GRM7: variants seen among roughly 807,000 people sequenced by gnomAD.
GRM7 encodes the protein metabotropic glutamate receptor 7.
Under a neutral mutation model 84.5 loss-of-function variants are expected in GRM7, and 35 were observed. That is an observed-to-expected ratio of 0.41 (90% CI 0.32 to 0.55). The LOEUF (loss-of-function observed/expected upper bound fraction) is 0.55, where lower values mean the gene tolerates loss of function less well. GRM7 is among the 20% of genes least tolerant of loss of function. GRM7 has a pLI of 0.19. For missense variants in GRM7, 1,003 were observed against 1,194.6 expected (o/e 0.84, Z 2.36); for synonymous variants, 487 against 455.1 (o/e 1.07, Z -0.89).
At chr3:7,441,643 G>T (rs906712921) in intron 5 of GRM7, among the ~76,000 whole-genome samples, 3 of 152,022 alleles carry the variant, frequency 2.0e-5, no homozygotes, top group South Asian at 2.1e-4. Context: ...AATATATCTT[G>T]GGTTAATTTT....
At chr3:7,064,501 TAC>T (rs376719688) in intron 1 of GRM7, among the ~76,000 whole-genome samples, 20 of 90,246 alleles carry the variant, frequency 2.2e-4, no homozygotes, top group Non-Finnish European at 3.1e-4. Flanking sequence ...CATATATATA[TAC>T]ACATATATAT....
chr3:7,438,288 A>T (rs1343982442), intron 5 of GRM7, among the ~76,000 whole-genome samples: 1 of 152,014 alleles, frequency 6.6e-6, no homozygotes, highest in Non-Finnish European at 1.5e-5. Context: ...GGTTGTGGAG[A>T]TGGAGAGAAG....
chr3:7,043,191 C>A (rs1335079284), intron 1 of GRM7, among the ~76,000 whole-genome samples: 1 of 152,136 alleles, frequency 6.6e-6, no homozygotes, highest in Non-Finnish European at 1.5e-5. Context: ...AGGCAGTTAC[C>A]CCACACTCAT....
At chr3:7,521,280 G>T (rs749623417) in intron 7 of GRM7, among the ~76,000 whole-genome samples, 3 of 152,142 alleles carry the variant, frequency 2.0e-5, no homozygotes, top group Admixed American at 1.3e-4. Context: ...AGGTAAAACC[G>T]CAGTTCTTGG....
At chr3:7,275,143 C>T (rs1026714836) in intron 2 of GRM7, among the ~76,000 whole-genome samples, 3 of 152,088 alleles carry the variant, frequency 2.0e-5, no homozygotes, top group African/African-American at 4.8e-5. Context: ...CATAAAAATT[C>T]TTAAAATTCC....
intron 2 of GRM7, among the ~76,000 whole-genome samples, chr3:7,207,383 T>C (rs559463084): frequency 6.6e-6 from 1 of 152,316 alleles, no homozygotes; most frequent in African/African-American, 2.4e-5. Context: ...GCCAAGTGTT[T>C]CTGTGAAATA....
chr3:6,991,006 C>G (rs992226240), intron 1 of GRM7, among the ~76,000 whole-genome samples: 12 of 152,042 alleles, frequency 7.9e-5, no homozygotes, highest in African/African-American at 2.7e-4. Flanking sequence ...GAGTTCCAGG[C>G]TGCCGTGAGA....
At chr3:7,118,100 A>G (rs1693097732) in intron 1 of GRM7, among the ~76,000 whole-genome samples, 2 of 152,178 alleles carry the variant, frequency 1.3e-5, no homozygotes, top group Admixed American at 1.3e-4. Flanking sequence ...AAAACCCAAA[A>G]GAAGGCTGGG....
intron 5 of GRM7, among the ~76,000 whole-genome samples, chr3:7,433,967 A>G (rs753651446): frequency 6.6e-6 from 1 of 152,132 alleles, no homozygotes; most frequent in East Asian, 1.9e-4. Flanking sequence ...ATTCATCAAC[A>G]TCATATACCT....
intron 4 of GRM7, among the ~76,000 whole-genome samples, chr3:7,366,848 T>C (rs919137174): frequency 3.9e-4 from 39 of 101,172 alleles, no homozygotes; most frequent in African/African-American, 1.4e-3. Context: ...CATGGGCCAT[T>C]GAAACTTCTA....
At chr3:7,430,601 A>T (rs148480490) in intron 5 of GRM7, among the ~76,000 whole-genome samples, 1 of 152,324 alleles carries the variant, frequency 6.6e-6, no homozygotes, top group African/African-American at 2.4e-5. Context: ...CTCTACTCCT[A>T]AGCATTTATC....
chr3:7,146,607 A>G lies in GRM7; in HGVS notation c.675A>G (p.Ala225=), dbSNP rs753495706. The G allele has an allele frequency of 6.8e-6, 11 of 1,613,946 alleles. No individual in the cohort carries two copies. The highest frequency in any genetic ancestry group is 1.6e-4 in the Middle Eastern group (1 of 6,082). Residue 225 remains alanine, a synonymous_variant, in exon 2 of 10, where the codon GCA becomes GCG. Transcript: ENST00000357716. ...GCTGGAATTATGTGTCTACCCTCGC[A>G]TCGGAAGGAAGTTATGGAGAGAAAG... ...ALGWNYVSTL[A]SEGSYGEKGV... is the part of the protein sequence containing the mutation.
At chr3:7,241,254 G>A (rs932562568) in intron 2 of GRM7, among the ~76,000 whole-genome samples, 9 of 152,118 alleles carry the variant, frequency 5.9e-5, no homozygotes, top group Non-Finnish European at 1.2e-4. Flanking sequence ...TTTCTATATG[G>A]AATGTGGATA....
chr3:7,382,342 T>A (rs1694624427), intron 4 of GRM7, among the ~76,000 whole-genome samples: 1 of 152,192 alleles, frequency 6.6e-6, no homozygotes, highest in South Asian at 2.1e-4. Context: ...TCATTTCTAT[T>A]CCATGTCTCT....
chr3:7,309,783 C>A (rs1700327643), intron 4 of GRM7, among the ~76,000 whole-genome samples: 1 of 152,110 alleles, frequency 6.6e-6, no homozygotes, highest in African/African-American at 2.4e-5. Flanking sequence ...TCATTTCCCC[C>A]CTTTCGATTT....
chr3:7,349,502 T>C (rs947431475), intron 4 of GRM7, among the ~76,000 whole-genome samples: 3 of 152,132 alleles, frequency 2.0e-5, no homozygotes, highest in East Asian at 3.9e-4. Flanking sequence ...AAGATACTCA[T>C]AGATGGAAGA....
chr3:7,294,707 G>A (rs75222130), intron 2 of GRM7, among the ~76,000 whole-genome samples: 150 of 152,214 alleles, frequency 9.9e-4, no homozygotes, highest in African/African-American at 3.2e-3. Flanking sequence ...CTAGAGCAGC[G>A]TGGGCCCTAA....
At chr3:7,218,677 GT>G (rs1426671226) in intron 2 of GRM7, among the ~76,000 whole-genome samples, 1 of 151,838 alleles carries the variant, frequency 6.6e-6, no homozygotes, top group Non-Finnish European at 1.5e-5. Context: ...GTTTTCCGAT[GT>G]TTATTAGCTA....
chr3:6,891,818 T>G (rs1695962261), intron 1 of GRM7, among the ~76,000 whole-genome samples: 2 of 152,208 alleles, frequency 1.3e-5, no homozygotes, highest in South Asian at 4.1e-4. Context: ...TATAATATCC[T>G]GCAGAGTGTT....
Sources: allele counts gnomAD v4.1 joint callset (sites outside exome capture counted in the v4.1 genomes callset), GRCh38; gene constraint gnomAD v4.1.1; transcripts MANE v1.5; gene names NCBI Gene and HGNC (gene_info 2026-07-23, HGNC 2026-07-21).